The following RBM46 variants were observed in gnomAD, a reference collection of about 807,000 sequenced individuals.
RBM46 encodes probable RNA-binding protein 46.
A neutral mutation model predicts 43.3 loss-of-function variants in RBM46; 12 were observed. That is an observed-to-expected ratio of 0.28 (90% confidence interval 0.18 to 0.45). RBM46 has a LOEUF of 0.45. Among genes scored for constraint, RBM46 ranks in the 20% least tolerant of loss-of-function variants. The probability of loss-of-function intolerance (pLI) is 1.00; values close to 1 mark genes in which losing one functional copy is unlikely to be tolerated. For missense variants in RBM46, 412 were observed against 639.1 expected (o/e 0.64, Z 3.83); for synonymous variants, 205 against 207.6 (o/e 0.99, Z 0.11).
At chr4:154,792,018 A>G (rs1350152056) in intron 1 of RBM46, among the ~76,000 whole-genome samples, 2 of 152,168 alleles carry the variant, frequency 1.3e-5, no homozygotes, top group African/African-American at 2.4e-5. Flanking sequence ...TTGTGTTGCT[A>G]TTTGTAAGTT....
intron 4 of RBM46, among the ~76,000 whole-genome samples, chr4:154,817,032 A>AT (rs1735477620): frequency 6.6e-6 from 1 of 152,130 alleles, no homozygotes; most frequent in Non-Finnish European, 1.5e-5. Context: ...GTCATGGTAC[A>AT]TTATACATTA....
chr4:154,823,816 C>T (rs1356821256), intron 4 of RBM46, among the ~76,000 whole-genome samples: 1 of 151,880 alleles, frequency 6.6e-6, no homozygotes, highest in African/African-American at 2.4e-5. Context: ...TATGTATTAC[C>T]AGTCTCTACT....
intron 4 of RBM46, among the ~76,000 whole-genome samples, chr4:154,826,522 G>A (rs1163163282): frequency 6.6e-6 from 1 of 152,044 alleles, no homozygotes; most frequent in African/African-American, 2.4e-5. Flanking sequence ...TCCTACTTTG[G>A]ATGTTAGAAA....
At chr4:154,810,532 T>A (rs1026919095) in intron 4 of RBM46, among the ~76,000 whole-genome samples, 4 of 152,150 alleles carry the variant, frequency 2.6e-5, no homozygotes, top group Admixed American at 2.6e-4. Context: ...AAAAAGACTT[T>A]AGTCTTTATC....
At chr4:154,827,293 T>G in intron 4 of RBM46, 1 of 941,304 alleles carries the variant, frequency 1.1e-6, no homozygotes, top group Non-Finnish European at 1.3e-6. Flanking sequence ...GGTGATTCAT[T>G]ATACTGTTTT....
At chr4:154,811,881 G>T (rs1735199330) in intron 4 of RBM46, among the ~76,000 whole-genome samples, 1 of 151,924 alleles carries the variant, frequency 6.6e-6, no homozygotes, top group Non-Finnish European at 1.5e-5. Context: ...GGGTTTCCCT[G>T]TGTTGGCCAG....
intron 1 of RBM46, among the ~76,000 whole-genome samples, chr4:154,789,802 C>T (rs1357186677): frequency 6.6e-6 from 1 of 152,080 alleles, no homozygotes; most frequent in Non-Finnish European, 1.5e-5. Flanking sequence ...TCCATCTGGT[C>T]CTGGACTTTT....
intron 1 of RBM46, among the ~76,000 whole-genome samples, chr4:154,784,852 G>A (rs377752607): frequency 2.6e-5 from 4 of 152,178 alleles, no homozygotes; most frequent in African/African-American, 7.2e-5. Flanking sequence ...TTGCTTTAAT[G>A]TATAGGACAG....
chr4:154,795,396 A>T (rs1734301118), intron 1 of RBM46, among the ~76,000 whole-genome samples: 1 of 152,162 alleles, frequency 6.6e-6, no homozygotes, highest in South Asian at 2.1e-4. Context: ...TGTATTGCAG[A>T]TCATTTTTCT....
In RBM46 at chr4:154,781,421, T is replaced by C. The variant is rs1733453308; in HGVS notation, c.-27T>C. The C allele has an allele frequency of 6.6e-6, 1 of 152,252 alleles. No homozygotes were observed. The highest frequency in any genetic ancestry group is 6.5e-5 in the Admixed American group (1 of 15,282). 9.4% of individuals were successfully genotyped at this position (152,252 alleles called of 1,614,324 possible). On this transcript the variant is annotated 5_prime_UTR_variant, in exon 1 of 5. Coordinates refer to ENST00000281722, the MANE Select transcript of RBM46 (RefSeq NM_144979.5). ...GGGCCCCGGGATTTAGGACCAACAT[T>C]TGAAGACCCGAAGGGGTGAGGAGGG...
rs1352259790 is a variant in RBM46 at position 154,798,801 on chromosome 4, C to A, written c.639C>A (p.Gly213=). 1.3e-6 allele frequency: 2 copies of A among 1,530,166 alleles called. No homozygotes were observed. Among genetic ancestry groups the A allele is most frequent in the African/African-American group, 2.8e-5 (2 of 71,016 alleles). The allele number at this position is 1,530,166 out of a possible 1,614,324, so 94.8% of individuals were successfully genotyped here. A position where few individuals can be genotyped will look rare whatever the true frequency, so the allele number is the denominator to read the frequency against. Residue 213 remains glycine, a synonymous_variant, in exon 4 of 5, where the codon GGC becomes GGA. Coordinates refer to ENST00000281722, the MANE Select transcript of RBM46 (RefSeq NM_144979.5). The part of the protein sequence containing the change: ...KLIPGTFQLW[G]HTIQVDWADP... ...TTACAGGAACATTCCAACTATGGGG[C>A]CACACCATTCAGGTAGATTGGGCTG...
Position 154,827,872 on chromosome 4 carries a change from C to A in RBM46, c.1407C>A (p.Tyr469Ter), listed in dbSNP as rs1166595252. Reference sequence around the variant, plus strand: ...TGTTCATGTATTTATTTACAGACTACAATTTCCATCGCAGCTCAATAAATA... The same window carrying A: ...TGTTCATGTATTTATTTACAGACTAAAATTTCCATCGCAGCTCAATAAATA... ...AAQFTLLHLD[Y>*]NFHRSSINSL... Residue 469 changes from tyrosine (Y) to a stop codon, truncating the protein, a stop_gained, in exon 5 of 5, where the codon TAC (tyrosine) becomes TAA (stop). Transcript: ENST00000281722. LOFTEE classifies it high-confidence loss of function. 2 of 1,613,700 alleles carry A rather than the reference C, an allele frequency of 1.2e-6. No homozygotes were observed. The highest frequency in any genetic ancestry group is 1.1e-5 in the South Asian group (1 of 91,076).
intron 4 of RBM46, among the ~76,000 whole-genome samples, chr4:154,817,559 TG>T (rs1341958776): frequency 6.6e-6 from 1 of 152,126 alleles, no homozygotes; most frequent in Non-Finnish European, 1.5e-5. Flanking sequence ...CTCAAACTCC[TG>T]ACCTCAGGTG....
In RBM46 at chr4:154,798,446, G is replaced by A. The variant is rs563627862; in HGVS notation, c.619+168G>A. On this transcript the variant is annotated intron_variant, in intron 3 of 4. Coordinates refer to ENST00000281722, the MANE Select transcript of RBM46 (RefSeq NM_144979.5). ...ACATGATTCTAAAAGACAAGAAATT[G>A]TTCCAGTAAAATGAGTCCTATTTAT... is the stretch of plus-strand genomic sequence containing the variant. 9.9e-5 allele frequency among the ~76,000 whole-genome samples: 15 copies of A among 152,250 alleles called. 1 individual carries two copies. In the South Asian group the frequency reaches 2.7e-3, roughly 27 times the overall value.
At chr4:154,808,260 C>A (rs899711742) in intron 4 of RBM46, among the ~76,000 whole-genome samples, 1 of 151,936 alleles carries the variant, frequency 6.6e-6, no homozygotes, top group Non-Finnish European at 1.5e-5. Flanking sequence ...TGATATAAAA[C>A]TCCACCTTTT....
At chr4:154,789,829 T>C (rs1733985729) in intron 1 of RBM46, among the ~76,000 whole-genome samples, 1 of 152,190 alleles carries the variant, frequency 6.6e-6, no homozygotes, top group Non-Finnish European at 1.5e-5. Context: ...TGGTAGGCTA[T>C]TAATTATTGC....
chr4:154,795,059 G>T (rs1196598938), intron 1 of RBM46, among the ~76,000 whole-genome samples: 1 of 152,100 alleles, frequency 6.6e-6, no homozygotes, highest in Non-Finnish European at 1.5e-5. Context: ...TTTTGAATTT[G>T]CAGGCTCTGC....
chr4:154,784,737 A>G (rs72959250), intron 1 of RBM46, among the ~76,000 whole-genome samples: 4,845 of 152,320 alleles, frequency 0.032, 160 homozygotes, highest in East Asian at 0.18. Flanking sequence ...TACTTGGGTC[A>G]GCAGGGTAAG....
At position 154,793,635 on chromosome 4, in the gene RBM46, A is replaced by G. The variant is rs201818; in HGVS notation, c.-11-3107A>G. On this transcript the variant is annotated intron_variant, in intron 1 of 4. Coordinates refer to ENST00000281722, the MANE Select transcript of RBM46 (RefSeq NM_144979.5). The stretch of plus-strand genomic sequence containing the variant: ...GCAGCCCAGAGTTTGAACCGTAGGA[A>G]GCCTGCAGGTGTTTTGTTTGGTCTG... 4.6e-3 allele frequency among the ~76,000 whole-genome samples: 700 copies of G among 152,242 alleles called. 10 individuals carry two copies. Among genetic ancestry groups the G allele is most frequent in the African/African-American group, 0.016 (660 of 41,544 alleles).
Sources: gnomAD v4.1 joint callset for allele counts (sites outside exome capture counted in the v4.1 genomes callset) on GRCh38, gnomAD v4.1.1 for gene constraint, MANE v1.5 for transcripts, NCBI Gene and HGNC (gene_info 2026-07-23, HGNC 2026-07-21) for gene names.